CNTN1: variants seen among roughly 807,000 people sequenced by gnomAD.
CNTN1 encodes the protein contactin-1.
A neutral mutation model predicts 126.4 loss-of-function variants in CNTN1; 38 were observed. The observed-to-expected ratio is 0.30, with a 90% CI of 0.23 to 0.39. CNTN1 has a LOEUF of 0.39. CNTN1 is among the 10% of genes least tolerant of loss of function. The pLI is 1.00. For missense variants in CNTN1, 1,009 were observed against 1,248.4 expected, an observed-to-expected ratio of 0.81 and a Z score of 2.89; for synonymous variants, 413 against 422.6, an observed-to-expected ratio of 0.98 and a Z score of 0.28.
At chr12:41,011,183 C>A (rs970914085) in intron 17 of CNTN1, among the ~76,000 whole-genome samples, 7 of 152,196 alleles carry the variant, frequency 4.6e-5, no homozygotes, top group African/African-American at 1.4e-4. Context: ...GAGATGGGAA[C>A]TTGAGGTGAC....
At chr12:40,917,631 G>T (rs948201516) in intron 3 of CNTN1, among the ~76,000 whole-genome samples, 2 of 152,060 alleles carry the variant, frequency 1.3e-5, no homozygotes, top group Non-Finnish European at 2.9e-5. Context: ...GCTTAGATTG[G>T]GCAGAGACAT....
intron 15 of CNTN1, chr12:40,971,804 T>C (rs1947521369): frequency 8.5e-7 from 1 of 1,173,722 alleles, no homozygotes; most frequent in Non-Finnish European, 1.1e-6. Flanking sequence ...TTTGAAATTA[T>C]ATAGCCCAGA....
Position 40,981,045 on chromosome 12 carries a change from T to C in CNTN1, c.1941T>C (p.Asp647=), listed in dbSNP as rs1391502215. ...YTIQTKTILS[D]DWKDAKTDPP... ...TCCAGACCAAGACTATTCTTTCAGA[T>C]GACTGGAAAGATGCAAAGACAGGTG... The change falls in exon 16 of 24, where the codon GAT becomes GAC. Residue 647 remains aspartate (D), a synonymous_variant. Transcript: ENST00000551295. 2 of 1,613,062 alleles carry C rather than the reference T, an allele frequency of 1.2e-6. No individual in the cohort carries two copies. Among genetic ancestry groups the C allele is most frequent in the Non-Finnish European group, 1.7e-6 (2 of 1,179,792 alleles).
At chr12:41,068,666 A>G (rs1950099847) in intron 23 of CNTN1, among the ~76,000 whole-genome samples, 1 of 152,226 alleles carries the variant, frequency 6.6e-6, no homozygotes, top group African/African-American at 2.4e-5. Flanking sequence ...GGACCATGCC[A>G]AAGAATGAGC....
rs753587977 is a variant in CNTN1 at position 40,924,668 on chromosome 12, C to T, written c.496+16C>T. The T allele has an allele frequency of 2.9e-6, 4 of 1,359,938 alleles. No homozygotes were observed. The highest frequency in any genetic ancestry group is 4.6e-5 in the East Asian group (2 of 43,570). 84.2% of individuals were successfully genotyped at this position (1,359,938 alleles called of 1,614,324 possible). On this transcript the variant is annotated intron_variant, in intron 6 of 23. Coordinates refer to ENST00000551295, the MANE Select transcript of CNTN1 (RefSeq NM_001843.4). ...CATTTTCCAGGTAAACTTAATTCCT[C>T]TCTGACTATTAGCATCTATGAAACA...
chr12:40,972,088 T>C, intron 15 of CNTN1: 1 of 985,654 alleles, frequency 1.0e-6, no homozygotes, highest in South Asian at 4.7e-5. Context: ...GTAGGGTTTT[T>C]GGAACAATTC....
intron 17 of CNTN1, among the ~76,000 whole-genome samples, chr12:41,012,533 A>C (rs1948686171): frequency 6.6e-6 from 1 of 152,186 alleles, no homozygotes; most frequent in Admixed American, 6.5e-5. Context: ...GGATAACACC[A>C]GGGATAGCCC....
At chr12:41,003,122 A>G (rs1011289861) in intron 17 of CNTN1, among the ~76,000 whole-genome samples, 54 of 152,206 alleles carry the variant, frequency 3.5e-4, no homozygotes, top group African/African-American at 1.3e-3. Flanking sequence ...TGTTCCTTCA[A>G]TACCTAGTAT....
At chr12:40,957,283 A>G (rs748946758) in intron 14 of CNTN1, among the ~76,000 whole-genome samples, 2 of 151,986 alleles carry the variant, frequency 1.3e-5, no homozygotes, top group African/African-American at 4.8e-5. Flanking sequence ...AGAGAAAAGA[A>G]GAGAGAAGTA....
intron 1 of CNTN1, among the ~76,000 whole-genome samples, chr12:40,780,262 T>C (rs1420777149): frequency 6.6e-6 from 1 of 151,892 alleles, no homozygotes; most frequent in African/African-American, 2.4e-5. Flanking sequence ...CTACCCAAGA[T>C]GGGCATCCTG....
chr12:40,827,690 T>C (rs1941659602), intron 1 of CNTN1, among the ~76,000 whole-genome samples: 1 of 152,140 alleles, frequency 6.6e-6, no homozygotes, highest in African/African-American at 2.4e-5. Flanking sequence ...CTCCTCTATG[T>C]GAATATTTTC....
At chr12:40,822,211 ATGGCATGAT>A (rs1306496449) in intron 1 of CNTN1, among the ~76,000 whole-genome samples, 1 of 125,040 alleles carries the variant, frequency 8.0e-6, no homozygotes, top group Non-Finnish European at 1.6e-5. Flanking sequence ...CTGGAGTGCA[ATGGCATGAT>A]CTCAGCTCAC....
At chr12:40,733,173 T>A (rs1327290572) in intron 1 of CNTN1, among the ~76,000 whole-genome samples, 1 of 152,082 alleles carries the variant, frequency 6.6e-6, no homozygotes, top group African/African-American at 2.4e-5. Context: ...TGTTGGCTGA[T>A]GTTACACTTG....
chr12:40,970,800 C>T (rs188235786), intron 15 of CNTN1, among the ~76,000 whole-genome samples: 2 of 152,270 alleles, frequency 1.3e-5, no homozygotes, highest in Admixed American at 1.3e-4. Flanking sequence ...CCTACCTAAC[C>T]TATGGTCTTA....
chr12:40,741,329 AC>A (rs954661569), intron 1 of CNTN1, among the ~76,000 whole-genome samples: 4 of 152,090 alleles, frequency 2.6e-5, no homozygotes, highest in Admixed American at 2.6e-4. Flanking sequence ...GAAGAATCAA[AC>A]CATAATCCGT....
chr12:40,814,531 C>G (rs1941194577), intron 1 of CNTN1, among the ~76,000 whole-genome samples: 1 of 152,140 alleles, frequency 6.6e-6, no homozygotes, highest in African/African-American at 2.4e-5. Context: ...TTTCTGAGGT[C>G]TCTATTCTGC....
chr12:40,991,080 A>G (rs1948084724), intron 16 of CNTN1, among the ~76,000 whole-genome samples: 1 of 152,208 alleles, frequency 6.6e-6, no homozygotes, highest in South Asian at 2.1e-4. Flanking sequence ...GCCTAAAACA[A>G]CAGAAATTTA....
chr12:40,945,408 C>A (rs1441651650), intron 14 of CNTN1, among the ~76,000 whole-genome samples: 2 of 152,012 alleles, frequency 1.3e-5, no homozygotes, highest in Non-Finnish European at 2.9e-5. Context: ...AAACAGGGAT[C>A]TTACTTTCTC....
intron 1 of CNTN1, among the ~76,000 whole-genome samples, chr12:40,704,536 GAC>G (rs1351470239): frequency 6.6e-6 from 1 of 151,994 alleles, no homozygotes; most frequent in Non-Finnish European, 1.5e-5. Context: ...TTTTGGCTAA[GAC>G]ACATATATTT....
Sources: allele counts gnomAD v4.1 joint callset (sites outside exome capture counted in the v4.1 genomes callset), GRCh38; gene constraint gnomAD v4.1.1; transcripts MANE v1.5; gene names NCBI Gene and HGNC (gene_info 2026-07-23, HGNC 2026-07-21).